Variants in DAPK1 observed in about 807,000 individuals in gnomAD.
DAPK1 encodes death-associated protein kinase 1.
In DAPK1, 56 loss-of-function variants were observed where a neutral mutation model predicts 144.9. That is an observed-to-expected ratio of 0.39 (90% CI 0.31 to 0.48). The LOEUF (loss-of-function observed/expected upper bound fraction) is 0.48, where lower values mean the gene tolerates loss of function less well. DAPK1 is among the 20% of genes least tolerant of loss of function. DAPK1 has a pLI of 0.95. For synonymous variants in DAPK1, 690 were observed against 749.0 expected (o/e 0.92, Z 1.29); for missense variants, 1,454 against 1,875.4 (o/e 0.78, Z 4.15).
intron 2 of DAPK1, among the ~76,000 whole-genome samples, chr9:87,586,023 C>A (rs1033859130): frequency 6.6e-6 from 1 of 152,146 alleles, no homozygotes; most frequent in Admixed American, 6.5e-5. Flanking sequence ...TATGGTGGCT[C>A]ACACCTGTAA....
intron 2 of DAPK1, among the ~76,000 whole-genome samples, chr9:87,517,926 T>A (rs1650281275): frequency 6.6e-6 from 1 of 152,112 alleles, no homozygotes; most frequent in Admixed American, 6.6e-5. Flanking sequence ...TAAAATGTGG[T>A]TGACCGCATT....
rs553889057 is a variant in DAPK1, at chr9:87,656,346, C to A, written c.1825-1683C>A. Among the ~76,000 whole-genome samples the A allele has an allele frequency of 2.8e-4, 42 of 152,244 alleles. 1 individual carries two copies. The South Asian group carries it at 8.3e-3, about 30-fold the overall frequency. On this transcript the variant is annotated intron_variant, in intron 17 of 25. Coordinates refer to ENST00000408954, the MANE Select transcript of DAPK1 (RefSeq NM_004938.4). ...TAAGGGGTTTGGTGTCATTCTGTCC[C>A]AACCTGGGCCCTTCAACAGTGGCCG...
In DAPK1 at chr9:87,575,734, T is replaced by C. The variant is rs141402455; in HGVS notation, c.63-29220T>C. 3.3e-3 allele frequency among the ~76,000 whole-genome samples: 501 copies of C among 152,102 alleles called. 6 individuals carry two copies. Among genetic ancestry groups the C allele is most frequent in the African/African-American group, 0.012 (488 of 41,502 alleles). ...CTGAACGTTATCTCTCCCTCCCGAC[T>C]TTTTTTTGACCTAACAGCAAACACA... On this transcript the variant is annotated intron_variant, in intron 2 of 25. Coordinates refer to ENST00000408954, the MANE Select transcript of DAPK1 (RefSeq NM_004938.4).
intron 2 of DAPK1, among the ~76,000 whole-genome samples, chr9:87,519,605 A>C (rs1295404019): frequency 6.6e-6 from 1 of 152,018 alleles, no homozygotes; most frequent in Non-Finnish European, 1.5e-5. Context: ...CAGTACTGCC[A>C]ATTGGGGAGT....
At chr9:87,664,833 A>G (rs1447430305) in intron 18 of DAPK1, among the ~76,000 whole-genome samples, 1 of 152,120 alleles carries the variant, frequency 6.6e-6, no homozygotes, top group East Asian at 1.9e-4. Flanking sequence ...TTCCCCAAGG[A>G]TCTGCCCCTG....
At chr9:87,561,074 C>G (rs1202564194) in intron 2 of DAPK1, among the ~76,000 whole-genome samples, 1 of 152,132 alleles carries the variant, frequency 6.6e-6, no homozygotes, top group East Asian at 1.9e-4. Flanking sequence ...TTGTCTTTTA[C>G]TTTTTTGTCC....
Position 87,679,903 on chromosome 9 carries a change from A to T in DAPK1, c.2002-1501A>T, listed in dbSNP as rs112752307. On this transcript the variant is annotated intron_variant, in intron 19 of 25. Coordinates refer to ENST00000408954, the MANE Select transcript of DAPK1 (RefSeq NM_004938.4). Reference sequence around the variant, plus strand: ...TGCCCTAAAGGATCCAGACACCTCCACACAGAGAGGGACAGATGCTCTTGC... The same window carrying T: ...TGCCCTAAAGGATCCAGACACCTCCTCACAGAGAGGGACAGATGCTCTTGC... Among the ~76,000 whole-genome samples the T allele has an allele frequency of 6.3e-3, 964 of 152,220 alleles. 10 individuals are homozygous for T. The highest frequency in any genetic ancestry group is 0.022 in the African/African-American group (914 of 41,536).
intron 2 of DAPK1, among the ~76,000 whole-genome samples, chr9:87,536,576 AAATT>A (rs1476092506): frequency 6.6e-6 from 1 of 152,168 alleles, no homozygotes; most frequent in Admixed American, 6.5e-5. Flanking sequence ...AACACAATAA[AAATT>A]AAAGCACTTA....
intron 2 of DAPK1, among the ~76,000 whole-genome samples, chr9:87,548,178 C>G (rs1433185710): frequency 6.6e-6 from 1 of 152,228 alleles, no homozygotes; most frequent in Non-Finnish European, 1.5e-5. Flanking sequence ...CACTCTCCAG[C>G]TTGGTGGCAG....
chr9:87,686,835 C>A lies in DAPK1; in HGVS notation c.2413+96C>A. The A allele has an allele frequency of 7.1e-7, 1 of 1,405,004 alleles. No homozygotes were observed. The highest frequency in any genetic ancestry group is 2.3e-5 in the Admixed American group (1 of 43,388). The allele number at this position is 1,405,004 out of a possible 1,614,324, so 87.0% of individuals were successfully genotyped here. ...GGAGCTTGTCCTGAGCTGTATCTGT[C>A]ACTTCCAGAAGGAAATCCAACACAG... On this transcript the variant is annotated intron_variant, in intron 21 of 25. Coordinates refer to ENST00000408954, the MANE Select transcript of DAPK1 (RefSeq NM_004938.4). This position sits in a 1 kb window ranked among gnomAD's most constrained non-coding sequence, Gnocchi z 4.2.
chr9:87,543,239 A>G (rs1030802074), intron 2 of DAPK1, among the ~76,000 whole-genome samples: 1 of 152,258 alleles, frequency 6.6e-6, no homozygotes, highest in Non-Finnish European at 1.5e-5. Flanking sequence ...ATCTGATAAG[A>G]AAATTGCTCT....
At chr9:87,617,833 T>C (rs543746456) in intron 3 of DAPK1, among the ~76,000 whole-genome samples, 2 of 152,296 alleles carry the variant, frequency 1.3e-5, no homozygotes, top group South Asian at 2.1e-4. Flanking sequence ...ATTCCCTCCA[T>C]AGTCCCTGCT....
chr9:87,515,131 A>G (rs1328216978), intron 2 of DAPK1, among the ~76,000 whole-genome samples: 1 of 152,210 alleles, frequency 6.6e-6, no homozygotes, highest in Non-Finnish European at 1.5e-5. Flanking sequence ...TCCTCAAACT[A>G]GCCTCTTATG....
At chr9:87,576,685 G>A (rs1314460108) in intron 2 of DAPK1, among the ~76,000 whole-genome samples, 1 of 152,000 alleles carries the variant, frequency 6.6e-6, no homozygotes. Context: ...AGCCTCCCAA[G>A]TAGCTGGGAT....
chr9:87,601,681 C>A (rs962633824), intron 2 of DAPK1, among the ~76,000 whole-genome samples: 3 of 152,134 alleles, frequency 2.0e-5, no homozygotes, highest in Non-Finnish European at 4.4e-5. Flanking sequence ...TCCCTATGGT[C>A]AGGTGCTGTC....
chr9:87,675,752 A>G (rs1824345122), intron 19 of DAPK1, among the ~76,000 whole-genome samples: 1 of 151,654 alleles, frequency 6.6e-6, no homozygotes, highest in Non-Finnish European at 1.5e-5. Flanking sequence ...TCTATTACTT[A>G]GTGAGCCTTG....
In DAPK1 at chr9:87,639,795, C is replaced by T. The variant is rs750025166; in HGVS notation, c.609C>T (p.Ile203=). 1.9e-6 allele frequency: 3 copies of T among 1,613,300 alleles called. No homozygotes were observed. The highest frequency in any genetic ancestry group is 2.2e-5 in the East Asian group (1 of 44,846). Residue 203 remains isoleucine (I), a synonymous_variant, in exon 7 of 26, where the codon ATC becomes ATT. Coordinates refer to ENST00000408954, the MANE Select transcript of DAPK1 (RefSeq NM_004938.4). ...PLGLEADMWS[I]GVITYILLSG... Reference sequence around the variant, plus strand: ...TGTTTTGTGTTGTTTTTAGGAGTATCGGGGTAATAACCTATATCCTGTAAG... The same window carrying T: ...TGTTTTGTGTTGTTTTTAGGAGTATTGGGGTAATAACCTATATCCTGTAAG...
intron 21 of DAPK1, among the ~76,000 whole-genome samples, chr9:87,693,836 C>T (rs1011848097): frequency 1.3e-5 from 2 of 152,070 alleles, no homozygotes; most frequent in African/African-American, 4.8e-5. Flanking sequence ...CTGTAAGCAG[C>T]TCCAGTGGTG....
Position 87,673,460 on chromosome 9 carries a change from T to A in DAPK1, c.2001+4786T>A, listed in dbSNP as rs557205311. Among the ~76,000 whole-genome samples, 11 of 152,318 alleles carry A rather than the reference T, an allele frequency of 7.2e-5. No individual in the cohort carries two copies. The South Asian group carries it at 2.1e-3, about 29-fold the overall frequency. ...AGCAATGGGATTTGGCATCTGGAAATAGAACCAAAATCATCCTGTTTGCCC... is the reference window on the plus strand; with the variant it reads ...AGCAATGGGATTTGGCATCTGGAAAAAGAACCAAAATCATCCTGTTTGCCC... On this transcript the variant is annotated intron_variant, in intron 19 of 25. Transcript: ENST00000408954.
Sources: allele counts gnomAD v4.1 joint callset (sites outside exome capture counted in the v4.1 genomes callset), GRCh38; gene constraint gnomAD v4.1.1; non-coding constraint Gnocchi (gnomAD v3.1); transcripts MANE v1.5; gene names NCBI Gene and HGNC (gene_info 2026-07-23, HGNC 2026-07-21).